The following SNTG2 variants were observed in gnomAD, a reference collection of about 807,000 sequenced individuals.
The protein encoded by SNTG2 is syntrophin gamma 2, also known as gamma-2-syntrophin.
SNTG2 carries 74 observed loss-of-function variants against 70.9 expected under a neutral mutation model. That is an observed-to-expected ratio of 1.04 (90% CI 0.86 to 1.27). The LOEUF (loss-of-function observed/expected upper bound fraction) is 1.27, where lower values mean the gene tolerates loss of function less well. Among genes scored for constraint, SNTG2 ranks in the 50% most tolerant of loss-of-function variants. The probability of loss-of-function intolerance (pLI) is 0.00; values close to 1 mark genes in which losing one functional copy is unlikely to be tolerated. For synonymous variants in SNTG2, 278 were observed against 273.8 expected, an observed-to-expected ratio of 1.02 and a Z score of -0.15; for missense variants, 717 against 690.7, an observed-to-expected ratio of 1.04 and a Z score of -0.43.
chr2:1,178,122 G>C (rs1671606752), intron 8 of SNTG2, among the ~76,000 whole-genome samples: 3 of 152,050 alleles, frequency 2.0e-5, no homozygotes, highest in Admixed American at 6.5e-5. Context: ...TTTTCTGGAT[G>C]GTACTTTAAT....
chr2:1,237,900 C>T lies in SNTG2; in HGVS notation c.732C>T (p.Phe244=), dbSNP rs202061159. 23 of 1,602,796 alleles carry T rather than the reference C, an allele frequency of 1.4e-5. No homozygotes were observed. The highest frequency in any genetic ancestry group is 3.4e-5 in the Admixed American group (2 of 58,716). Residue 244 remains phenylalanine, a synonymous_variant, in exon 10 of 17, where the codon TTC becomes TTT. Transcript: ENST00000308624. ...TCTCCCTCCCCAGGTGGAATGCGTTCGAGGTGCTCGCCCTGGACGGAGTCA... is the reference window on the plus strand; with the variant it reads ...TCTCCCTCCCCAGGTGGAATGCGTTTGAGGTGCTCGCCCTGGACGGAGTCA... ...AGTEKLRWNA[F]EVLALDGVSS...
chr2:968,754 G>A (rs1660647500), intron 1 of SNTG2, among the ~76,000 whole-genome samples: 1 of 152,004 alleles, frequency 6.6e-6, no homozygotes, highest in Admixed American at 6.6e-5. Context: ...AGTTACTTAT[G>A]GATTGTGGTA....
At chr2:1,166,902 T>G (rs1670744166) in intron 7 of SNTG2, among the ~76,000 whole-genome samples, 1 of 152,156 alleles carries the variant, frequency 6.6e-6, no homozygotes, top group South Asian at 2.1e-4. Flanking sequence ...GGAGTTTGGC[T>G]GGGGTGGTTG....
intron 1 of SNTG2, among the ~76,000 whole-genome samples, chr2:1,058,232 A>G (rs1404008068): frequency 6.6e-6 from 1 of 152,292 alleles, no homozygotes. Context: ...AAGATAATGA[A>G]TGGAGATGTA....
chr2:1,143,520 G>A (rs1668888283), intron 6 of SNTG2, among the ~76,000 whole-genome samples: 1 of 151,856 alleles, frequency 6.6e-6, no homozygotes. Flanking sequence ...GGATAAACGG[G>A]TTCTTACCAA....
intron 9 of SNTG2, among the ~76,000 whole-genome samples, chr2:1,210,087 G>T (rs1673939031): frequency 6.6e-6 from 1 of 152,168 alleles, no homozygotes; most frequent in African/African-American, 2.4e-5. Flanking sequence ...GAAAAGTCTA[G>T]CAAACATTGC....
chr2:1,198,466 G>A (rs1266279667), intron 8 of SNTG2, among the ~76,000 whole-genome samples: 3 of 150,092 alleles, frequency 2.0e-5, no homozygotes, highest in Admixed American at 6.6e-5. Context: ...ATCGAAAAAC[G>A]TAAAAAAAAA....
At chr2:1,094,139 G>C (rs1665221339) in intron 2 of SNTG2, among the ~76,000 whole-genome samples, 1 of 127,876 alleles carries the variant, frequency 7.8e-6, no homozygotes, top group Admixed American at 8.3e-5. Flanking sequence ...GGCCTTATAG[G>C]TGTGTCCTCA....
chr2:987,156 T>G (rs1661352246), intron 1 of SNTG2, among the ~76,000 whole-genome samples: 1 of 152,206 alleles, frequency 6.6e-6, no homozygotes, highest in Non-Finnish European at 1.5e-5. Context: ...AAAGGTGGAA[T>G]GCAGTCAGGT....
chr2:1,125,383 G>A (rs1485655727), intron 4 of SNTG2, among the ~76,000 whole-genome samples: 2 of 151,972 alleles, frequency 1.3e-5, no homozygotes, highest in African/African-American at 4.8e-5. Context: ...CCTCTCCTCT[G>A]TCCCTTCCTC....
intron 11 of SNTG2, 129 bp downstream of exon 11, chr2:1,239,905 G>GA: frequency 8.8e-7 from 1 of 1,138,868 alleles, no homozygotes; most frequent in Non-Finnish European, 1.3e-6. Flanking sequence ...ATGTTGATAG[G>GA]AAAACATTAG....
At position 1,337,935 on chromosome 2, in the gene SNTG2, C is replaced by T. The variant is rs189286717; in HGVS notation, c.1488+21560C>T. 4.3e-4 allele frequency among the ~76,000 whole-genome samples: 65 copies of T among 152,252 alleles called. No individual in the cohort carries two copies. In the East Asian group the frequency reaches 0.012, roughly 27 times the overall value. On this transcript the variant is annotated intron_variant, in intron 16 of 16. Transcript: ENST00000308624. ...GTTTTGCAACCGGATATCTAATTTT[C>T]CCAGCACCAGTTGATTAAAAAACTG...
At chr2:1,106,679 C>G (rs1666182070) in intron 4 of SNTG2, among the ~76,000 whole-genome samples, 1 of 134,856 alleles carries the variant, frequency 7.4e-6, no homozygotes, top group Non-Finnish European at 1.5e-5. Flanking sequence ...GTATGGAGAG[C>G]TCCTTGGTAA....
intron 8 of SNTG2, among the ~76,000 whole-genome samples, chr2:1,196,395 A>G (rs968668882): frequency 4.6e-5 from 7 of 152,200 alleles, no homozygotes; most frequent in Admixed American, 2.0e-4. Context: ...AAATGATTAC[A>G]TATTTGAATT....
chr2:1,022,438 TCTGAGTTCCCATGATTGC>T (rs1463402371), intron 1 of SNTG2, among the ~76,000 whole-genome samples: 19 of 151,686 alleles, frequency 1.3e-4, no homozygotes, highest in African/African-American at 4.8e-5. Context: ...TTGCCGTGAA[TCTGAGTTCCCATGATTGC>T]CTGAGTTCCC....
At chr2:1,358,396 A>G (rs1660966220) in intron 16 of SNTG2, among the ~76,000 whole-genome samples, 1 of 146,454 alleles carries the variant, frequency 6.8e-6, no homozygotes, top group African/African-American at 2.5e-5. Flanking sequence ...TTTTTGTACT[A>G]ACTTTGACCT....
intron 1 of SNTG2, among the ~76,000 whole-genome samples, chr2:1,061,162 G>A (rs1008349874): frequency 6.6e-5 from 10 of 152,160 alleles, no homozygotes; most frequent in African/African-American, 1.4e-4. Context: ...GCATAGAGCC[G>A]CGTGATCCTG....
At position 1,173,189 on chromosome 2, in the gene SNTG2, C is replaced by T. The variant is rs747010082; in HGVS notation, c.591+6C>T. 4 of 1,611,992 alleles carry T rather than the reference C, an allele frequency of 2.5e-6. No individual in the cohort carries two copies. The highest frequency in any genetic ancestry group is 3.4e-6 in the Non-Finnish European group (4 of 1,178,486). On this transcript the variant is annotated splice_donor_region_variant and intron_variant, in intron 8 of 16. Coordinates refer to ENST00000308624, the MANE Select transcript of SNTG2 (RefSeq NM_018968.4). ...ACGGAAACTCCAGTACCACAGTAAG[C>T]ATATAGATTTTTGTTAAATTTTATT...
At chr2:1,273,705 T>C (rs2148194659) in intron 14 of SNTG2, among the ~76,000 whole-genome samples, 1 of 151,496 alleles carries the variant, frequency 6.6e-6, no homozygotes, top group East Asian at 1.9e-4. Flanking sequence ...ACTATAAAAC[T>C]TTTAGAAGAA....
Sources: allele counts gnomAD v4.1 joint callset (sites outside exome capture counted in the v4.1 genomes callset), GRCh38; gene constraint gnomAD v4.1.1; transcripts MANE v1.5; gene names NCBI Gene and HGNC (gene_info 2026-07-23, HGNC 2026-07-21).